Variants in SPAG16 observed in about 807,000 individuals in gnomAD.
SPAG16 encodes the protein sperm-associated antigen 16 protein.
SPAG16 carries 86 observed loss-of-function variants against 80.4 expected under a neutral mutation model. The observed-to-expected ratio is 1.07, with a 90% confidence interval of 0.90 to 1.28. SPAG16 has a LOEUF of 1.28. Among genes scored for constraint, SPAG16 ranks in the 50% most tolerant of loss-of-function variants. The pLI is 0.00. For missense variants in SPAG16, 870 were observed against 765.3 expected (o/e 1.14, Z -1.61); for synonymous variants, 294 against 265.9 (o/e 1.11, Z -1.03).
chr2:213,718,161 A>AAAG (rs1553615696), intron 10 of SPAG16, among the ~76,000 whole-genome samples: 49 of 151,290 alleles, frequency 3.2e-4, no homozygotes, highest in African/African-American at 1.1e-3. Flanking sequence ...AAAAAAAAAA[A>AAAG]AAAAAAAAGA....
At chr2:214,216,362 G>A (rs961968142) in intron 15 of SPAG16, among the ~76,000 whole-genome samples, 20 of 152,124 alleles carry the variant, frequency 1.3e-4, no homozygotes, top group East Asian at 1.9e-4. Flanking sequence ...TTGCTCTGTC[G>A]CCAGGCTGGA....
chr2:214,227,544 T>G (rs1055239257), intron 15 of SPAG16, among the ~76,000 whole-genome samples: 21 of 151,956 alleles, frequency 1.4e-4, no homozygotes, highest in African/African-American at 5.1e-4. Flanking sequence ...TGCCTCTTTC[T>G]CTTCCTTCCT....
chr2:214,037,886 T>C (rs1235663356), intron 13 of SPAG16, among the ~76,000 whole-genome samples: 2 of 151,116 alleles, frequency 1.3e-5, no homozygotes, highest in Admixed American at 6.6e-5. Context: ...TGTGTGTGTG[T>C]GTGTGTGTGT....
chr2:213,621,283 C>G (rs1197186609), intron 10 of SPAG16, among the ~76,000 whole-genome samples: 1 of 152,012 alleles, frequency 6.6e-6, no homozygotes, highest in Non-Finnish European at 1.5e-5. Flanking sequence ...AGGGCAGACA[C>G]TATATTAATT....
chr2:213,753,445 T>G (rs184763930), intron 10 of SPAG16, among the ~76,000 whole-genome samples: 7 of 152,366 alleles, frequency 4.6e-5, no homozygotes, highest in Non-Finnish European at 1.0e-4. Context: ...ATAAGATATT[T>G]CTCAGGCCAG....
intron 15 of SPAG16, among the ~76,000 whole-genome samples, chr2:214,212,268 C>G (rs2058314905): frequency 6.6e-6 from 1 of 151,962 alleles, no homozygotes; most frequent in Admixed American, 6.6e-5. Flanking sequence ...TTTTATCTAC[C>G]AGAACTGCTC....
At chr2:213,333,419 C>T (rs759938582) in intron 5 of SPAG16, among the ~76,000 whole-genome samples, 11 of 151,976 alleles carry the variant, frequency 7.2e-5, no homozygotes, top group Non-Finnish European at 1.5e-4. Flanking sequence ...TTAAAATGTC[C>T]ATACTACCCT....
At chr2:214,133,939 A>G (rs1399085389) in intron 14 of SPAG16, among the ~76,000 whole-genome samples, 1 of 152,190 alleles carries the variant, frequency 6.6e-6, no homozygotes, top group African/African-American at 2.4e-5. Context: ...ACAGGATGAC[A>G]TTGAGGTACG....
chr2:213,737,550 C>G (rs567147193), intron 10 of SPAG16, among the ~76,000 whole-genome samples: 1 of 149,190 alleles, frequency 6.7e-6, no homozygotes, highest in African/African-American at 2.5e-5. Context: ...TGCAGTGGCG[C>G]GATCTCGGCT....
At chr2:214,009,325 G>A (rs1037443469) in intron 12 of SPAG16, among the ~76,000 whole-genome samples, 7 of 151,920 alleles carry the variant, frequency 4.6e-5, no homozygotes, top group South Asian at 2.1e-4. Context: ...CTCTATTTCC[G>A]TATTTGATAG....
intron 15 of SPAG16, among the ~76,000 whole-genome samples, chr2:214,253,913 T>C (rs554813654): frequency 6.6e-6 from 1 of 152,296 alleles, no homozygotes; most frequent in Admixed American, 6.5e-5. Flanking sequence ...ATTTTCATGA[T>C]ATTGATTCTT....
chr2:214,316,103 C>T (rs944315163), intron 15 of SPAG16, among the ~76,000 whole-genome samples: 1 of 150,382 alleles, frequency 6.6e-6, no homozygotes, highest in African/African-American at 2.4e-5. Flanking sequence ...AGCCTTGGGT[C>T]ACTGTGGTGA....
At chr2:214,262,034 T>G (rs1430792536) in intron 15 of SPAG16, among the ~76,000 whole-genome samples, 2 of 152,182 alleles carry the variant, frequency 1.3e-5, no homozygotes, top group Non-Finnish European at 2.9e-5. Context: ...CCTTACAGTT[T>G]AATATCTAAA....
At chr2:213,442,040 C>T (rs967254744) in intron 9 of SPAG16, among the ~76,000 whole-genome samples, 16 of 152,234 alleles carry the variant, frequency 1.1e-4, no homozygotes, top group Non-Finnish European at 1.9e-4. Flanking sequence ...CCCAGCTACT[C>T]GGGAGGTTGA....
chr2:214,304,739 G>A (rs1694798657), intron 15 of SPAG16, among the ~76,000 whole-genome samples: 1 of 152,032 alleles, frequency 6.6e-6, no homozygotes, highest in African/African-American at 2.4e-5. Context: ...AGTATTCCAT[G>A]GTATATATGT....
At chr2:213,646,830 C>T (rs1322633810) in intron 10 of SPAG16, among the ~76,000 whole-genome samples, 1 of 152,192 alleles carries the variant, frequency 6.6e-6, no homozygotes, top group African/African-American at 2.4e-5. Flanking sequence ...CACAATAGCA[C>T]ATCTGTAGAA....
Position 213,574,745 on chromosome 2 carries a change from A to G in SPAG16, c.1070+84655A>G, listed in dbSNP as rs150076394. Among the ~76,000 whole-genome samples, 1,281 of 149,782 alleles carry G rather than the reference A, an allele frequency of 8.6e-3. 18 individuals carry two copies. The highest frequency in any genetic ancestry group is 0.029 in the African/African-American group (1,195 of 40,936). ...ATATGAGCTATACCTGGTCATGGTC[A>G]TCTTTATTTTTCTCTTAGTCAATTG... On this transcript the variant is annotated intron_variant, in intron 10 of 15. Transcript: ENST00000331683.
At chr2:214,170,528 G>A (rs1272057539) in intron 15 of SPAG16, among the ~76,000 whole-genome samples, 1 of 151,886 alleles carries the variant, frequency 6.6e-6, no homozygotes, top group Non-Finnish European at 1.5e-5. Flanking sequence ...CCCTTGCTGG[G>A]TTGTATATAC....
At chr2:214,037,038 CTTGTG>C (rs2048735198) in intron 13 of SPAG16, among the ~76,000 whole-genome samples, 1 of 151,648 alleles carries the variant, frequency 6.6e-6, no homozygotes, top group African/African-American at 2.4e-5. Context: ...TATTTCCTTT[CTTGTG>C]TTGTCGTTTA....
Sources: gnomAD v4.1 joint callset for allele counts (sites outside exome capture counted in the v4.1 genomes callset) on GRCh38, gnomAD v4.1.1 for gene constraint, MANE v1.5 for transcripts, NCBI Gene and HGNC (gene_info 2026-07-23, HGNC 2026-07-21) for gene names.